The following TNRC6B variants were observed in gnomAD, a reference collection of about 807,000 sequenced individuals.
TNRC6B encodes the protein trinucleotide repeat containing adaptor 6B, also known as trinucleotide repeat-containing gene 6B protein.
Under a neutral mutation model 203.6 loss-of-function variants are expected in TNRC6B, and 52 were observed. That is an observed-to-expected ratio of 0.26 (90% confidence interval 0.20 to 0.32). TNRC6B has a LOEUF of 0.32. Ranked by LOEUF, TNRC6B falls within the 10% of genes least tolerant of loss-of-function variation. TNRC6B has a pLI of 1.00. For missense variants in TNRC6B, 1,923 were observed against 2,286.2 expected, an observed-to-expected ratio of 0.84 and a Z score of 3.24; for synonymous variants, 838 against 845.7, an observed-to-expected ratio of 0.99 and a Z score of 0.16.
intron 1 of TNRC6B, among the ~76,000 whole-genome samples, chr22:40,102,951 C>T (rs1437120468): frequency 6.6e-6 from 1 of 152,082 alleles, no homozygotes; most frequent in Non-Finnish European, 1.5e-5. Flanking sequence ...GTGGCACATG[C>T]CTGTAATCCC....
intron 3 of TNRC6B, among the ~76,000 whole-genome samples, chr22:40,148,208 A>G (rs1274890544): frequency 6.6e-6 from 1 of 152,094 alleles, no homozygotes. Flanking sequence ...TATTGATGAG[A>G]CATGGGACAA....
chr22:40,202,533 A>G (rs2069427621), intron 1 of TNRC6B, among the ~76,000 whole-genome samples: 1 of 152,106 alleles, frequency 6.6e-6, no homozygotes, highest in African/African-American at 2.4e-5. Context: ...TCTTTCAGAA[A>G]GAGACAACCC....
upstream of TNRC6B, among the ~76,000 whole-genome samples, chr22:40,175,484 A>G (rs767094134): frequency 6.6e-6 from 1 of 152,234 alleles, no homozygotes; most frequent in Non-Finnish European, 1.5e-5. Context: ...GGCAACACAT[A>G]TAAATATTTG....
chr22:40,191,952 T>C (rs747751062), intron 1 of TNRC6B, among the ~76,000 whole-genome samples: 3 of 152,318 alleles, frequency 2.0e-5, no homozygotes, highest in East Asian at 1.9e-4. Flanking sequence ...GGTTTCGCCA[T>C]GTTGGCCAGG....
At chr22:40,132,969 A>AAAAATATATAT (rs1282694632) in intron 3 of TNRC6B, among the ~76,000 whole-genome samples, 1 of 78,182 alleles carries the variant, frequency 1.3e-5, no homozygotes, top group Non-Finnish European at 2.6e-5. Flanking sequence ...AAAAAAAAAA[A>AAAAATATATAT]ATATATATAT....
At chr22:40,225,952 T>C (rs897727936) in intron 1 of TNRC6B, among the ~76,000 whole-genome samples, 7 of 152,110 alleles carry the variant, frequency 4.6e-5, no homozygotes, top group Non-Finnish European at 8.8e-5. Flanking sequence ...TCCTGAAGAG[T>C]TAAACACAGG....
At chr22:40,222,917 T>G (rs2069734444) in intron 1 of TNRC6B, among the ~76,000 whole-genome samples, 1 of 151,496 alleles carries the variant, frequency 6.6e-6, no homozygotes, top group Admixed American at 6.6e-5. Flanking sequence ...AGCTAATATT[T>G]ATATTTTATT....
intron 5 of TNRC6B, among the ~76,000 whole-genome samples, chr22:40,269,307 AT>A (rs1206074846): frequency 6.6e-6 from 1 of 150,786 alleles, no homozygotes; most frequent in Non-Finnish European, 1.5e-5. Flanking sequence ...TAATTTTTGT[AT>A]TTTTTGCTGG....
intron 1 of TNRC6B, among the ~76,000 whole-genome samples, chr22:40,047,720 AC>A (rs1282624481): frequency 2.0e-5 from 3 of 152,242 alleles, no homozygotes; most frequent in Non-Finnish European, 4.4e-5. Flanking sequence ...TTGTAAAAAT[AC>A]ATTTTAGCTC....
chr22:40,117,467 T>G (rs2068399483), intron 2 of TNRC6B, among the ~76,000 whole-genome samples: 1 of 151,992 alleles, frequency 6.6e-6, no homozygotes, highest in South Asian at 2.1e-4. Context: ...AGGGTTCACT[T>G]TCTGAATGAT....
chr22:40,208,943 T>TGTA (rs1288035228), intron 1 of TNRC6B, among the ~76,000 whole-genome samples: 1 of 152,226 alleles, frequency 6.6e-6, no homozygotes, highest in Non-Finnish European at 1.5e-5. Flanking sequence ...CGTCTGCCTC[T>TGTA]GTAGACATGA....
chr22:40,165,725 G>A (rs903842762), intron 4 of TNRC6B, among the ~76,000 whole-genome samples: 1 of 152,142 alleles, frequency 6.6e-6, no homozygotes, highest in Non-Finnish European at 1.5e-5. Flanking sequence ...TTCTTCACTT[G>A]GCGGCAGAAA....
At chr22:40,254,840 T>A (rs1429318238) in intron 3 of TNRC6B, among the ~76,000 whole-genome samples, 9 of 152,100 alleles carry the variant, frequency 5.9e-5, no homozygotes. Flanking sequence ...TGAGCCAAGA[T>A]CATGCCATTG....
In TNRC6B at chr22:40,327,741, CCTT is replaced by C. The variant is rs2071421413; in HGVS notation, c.*4506_*4508del. 6.6e-6 allele frequency: 1 copy of C among 152,178 alleles called. No individual in the cohort carries two copies. The highest frequency in any genetic ancestry group is 6.5e-5 in the Admixed American group (1 of 15,274). The allele number at this position is 152,178 out of a possible 1,614,324, so 9.4% of individuals were successfully genotyped here. A position where few individuals can be genotyped will look rare whatever the true frequency, so the allele number is the denominator to read the frequency against. ...ATACTTATAAAATTCAGTGAGAGTG[CCTT>C]CTTCTCTTCTACCACACTCTGGCAT... On this transcript the variant is annotated 3_prime_UTR_variant, in exon 23 of 23. Transcript: ENST00000454349.
intron 17 of TNRC6B, among the ~76,000 whole-genome samples, chr22:40,312,189 C>G (rs368555301): frequency 2.6e-5 from 4 of 152,296 alleles, no homozygotes; most frequent in East Asian, 1.9e-4. Flanking sequence ...CTTGTGAACA[C>G]CAGAGTCCTT....
At chr22:40,214,761 C>T (rs1296361071) in intron 1 of TNRC6B, among the ~76,000 whole-genome samples, 1 of 152,040 alleles carries the variant, frequency 6.6e-6, no homozygotes, top group Non-Finnish European at 1.5e-5. Flanking sequence ...GCTATATTGC[C>T]CAGATTGGTC....
chr22:40,287,435 G>A (rs562085944), intron 12 of TNRC6B, among the ~76,000 whole-genome samples: 3 of 152,246 alleles, frequency 2.0e-5, no homozygotes, highest in Admixed American at 6.5e-5. Context: ...GGGAGGTCAG[G>A]TTTCTCCACA....
rs78107586 is a variant in TNRC6B at position 40,197,288 on chromosome 22, G to GTT, written c.5+19156_5+19157dup. The stretch of plus-strand genomic sequence containing the variant: ...CTGGCTGCTGAAAGGTGTTTTTCTT[G>GTT]TTTTTTTTTGAGACAGAGTCTCACA... On this transcript the variant is annotated intron_variant, in intron 1 of 22. Coordinates refer to ENST00000454349, the MANE Select transcript of TNRC6B (RefSeq NM_001162501.2). Among the ~76,000 whole-genome samples the GTT allele has an allele frequency of 5.3e-5, 8 of 150,910 alleles. No homozygotes were observed. The East Asian group carries it at 1.2e-3, about 22-fold the overall frequency.
At chr22:40,154,860 A>AAAAATATATATATATATAT (rs1555885936) in intron 3 of TNRC6B, among the ~76,000 whole-genome samples, 2 of 23,586 alleles carry the variant, frequency 8.5e-5, no homozygotes, top group Admixed American at 1.5e-3. Context: ...AAAAAAAAAA[A>AAAAATATATATATATATAT]ATATATATAT....
Sources: allele counts gnomAD v4.1 joint callset (sites outside exome capture counted in the v4.1 genomes callset), GRCh38; gene constraint gnomAD v4.1.1; transcripts MANE v1.5; gene names NCBI Gene and HGNC (gene_info 2026-07-23, HGNC 2026-07-21).